The following CFAP46 variants were observed in gnomAD, a reference collection of about 807,000 sequenced individuals.
CFAP46 encodes cilia- and flagella-associated protein 46.
A neutral mutation model predicts 325.7 loss-of-function variants in CFAP46; 245 were observed. The ratio of observed to expected loss-of-function variants is 0.75; its 90% confidence interval spans 0.68 to 0.84. The LOEUF (loss-of-function observed/expected upper bound fraction) is 0.84, where lower values mean the gene tolerates loss of function less well. Among genes scored for constraint, CFAP46 ranks in the 40% least tolerant of loss-of-function variants. CFAP46 has a pLI of 0.00. For missense variants in CFAP46, 3,346 were observed against 3,543.0 expected, an observed-to-expected ratio of 0.94 and a Z score of 1.41; for synonymous variants, 1,523 against 1,495.9, an observed-to-expected ratio of 1.02 and a Z score of -0.42.
intron 25 of CFAP46, among the ~76,000 whole-genome samples, chr10:132,891,763 C>T (rs1256769648): frequency 6.6e-6 from 1 of 152,222 alleles, no homozygotes; most frequent in African/African-American, 2.4e-5. Context: ...CTCATCTAAA[C>T]CCAGACATTC....
At chr10:132,813,098 A>G (rs1203525546) in intron 54 of CFAP46, among the ~76,000 whole-genome samples, 1 of 152,126 alleles carries the variant, frequency 6.6e-6, no homozygotes, top group Non-Finnish European at 1.5e-5. Context: ...AGCCTAGTCA[A>G]GGGGACCCAC....
chr10:132,824,181 G>GTT (rs1251282804), intron 50 of CFAP46, among the ~76,000 whole-genome samples: 37 of 141,764 alleles, frequency 2.6e-4, no homozygotes, highest in African/African-American at 9.8e-4. Context: ...TGTGAGCGCT[G>GTT]ATGTGTGCTG....
chr10:132,821,170 CGCTGA>C (rs1480865794), intron 50 of CFAP46, among the ~76,000 whole-genome samples: 16 of 97,090 alleles, frequency 1.6e-4, no homozygotes, highest in African/African-American at 6.7e-4. Flanking sequence ...GCTGTCTGTG[CGCTGA>C]TGTGTGCTGT....
In CFAP46 at chr10:132,847,244, G is replaced by A; in HGVS notation, c.6030C>T (p.Asp2010=). Residue 2010 remains aspartate (D), a synonymous_variant, in exon 42 of 58, where the codon GAC becomes GAT. Transcript: ENST00000368586. The surrounding 1 kb of genome is among the most constrained non-coding windows in gnomAD (Gnocchi z 5.2). ...CCGGGGCTGCCCTGGAGGCCGGCGGGTCCCTGCTGGACTTTGTGGCACCCT... is the reference window on the plus strand; with the variant it reads ...CCGGGGCTGCCCTGGAGGCCGGCGGATCCCTGCTGGACTTTGTGGCACCCT... ...EEEGATKSSR[D]PPASRAAPEE... 1 of 1,613,342 alleles carries A rather than the reference G, an allele frequency of 6.2e-7. No homozygotes were observed.
intron 55 of CFAP46, among the ~76,000 whole-genome samples, chr10:132,812,304 G>C (rs1042686542): frequency 2.0e-5 from 3 of 152,232 alleles, no homozygotes; most frequent in Non-Finnish European, 4.4e-5. Context: ...TGGCTGGGGT[G>C]TCACTGTGCC....
intron 24 of CFAP46, among the ~76,000 whole-genome samples, chr10:132,898,230 C>T (rs866050348): frequency 6.6e-6 from 1 of 152,216 alleles, no homozygotes; most frequent in Non-Finnish European, 1.5e-5. Flanking sequence ...CAGCAGGGAG[C>T]TGCATCCACA....
intron 20 of CFAP46, 141 bp downstream of exon 20, chr10:132,909,778 G>T: frequency 1.3e-6 from 1 of 770,170 alleles, no homozygotes; most frequent in Non-Finnish European, 1.9e-6. Context: ...TGAGCTCAGT[G>T]GGAAAAGGGA....
intron 50 of CFAP46, among the ~76,000 whole-genome samples, chr10:132,815,760 T>C (rs1847682162): frequency 6.6e-6 from 1 of 152,118 alleles, no homozygotes; most frequent in Admixed American, 6.6e-5. Context: ...GACTCCAGCC[T>C]GGGTGACAGA....
chr10:132,867,222 G>A (rs909921747), intron 34 of CFAP46, among the ~76,000 whole-genome samples, 153 bp downstream of exon 34: 10 of 147,366 alleles, frequency 6.8e-5, no homozygotes, highest in Non-Finnish European at 1.2e-4. Flanking sequence ...CACACAGGCC[G>A]GCCCCTCACA....
chr10:132,940,029 A>G (rs543140881), intron 4 of CFAP46, among the ~76,000 whole-genome samples: 51 of 151,982 alleles, frequency 3.4e-4, no homozygotes, highest in Non-Finnish European at 6.2e-4. Flanking sequence ...CCTCCTTCCC[A>G]TGGTACCCAC....
At chr10:132,912,498 CCT>C (rs527534744) in intron 19 of CFAP46, among the ~76,000 whole-genome samples, 155 bp downstream of exon 19, 2 of 93,848 alleles carry the variant, frequency 2.1e-5, no homozygotes, top group Non-Finnish European at 4.6e-5. Context: ...TCCTCTTTCA[CCT>C]CTCTCTCCTC....
rs1244342612 is a variant in CFAP46 at position 132,877,925 on chromosome 10, CCTT to C, written c.4165_4167del (p.Lys1389del). 1 of 1,550,236 alleles carries C rather than the reference CCTT, an allele frequency of 6.5e-7. No individual in the cohort carries two copies. The highest frequency in any genetic ancestry group is 8.7e-7 in the Non-Finnish European group (1 of 1,146,710). On this transcript the variant is annotated inframe_deletion, in exon 30 of 58. Coordinates refer to ENST00000368586, the MANE Select transcript of CFAP46 (RefSeq NM_001200049.3). This position sits in a 1 kb window ranked among gnomAD's most constrained non-coding sequence, Gnocchi z 5.7. ...TTCTCCTCCTTTCCCTTCTCCTTGT[CCTT>C]CTCTTTACTCCTCTCATTCTCCTTC...
rs554554716 is a variant in CFAP46, at chr10:132,914,985, G to A, written c.2120+1564C>T. On this transcript the variant is annotated intron_variant, in intron 17 of 57. Transcript: ENST00000368586. ...TCCCCAGGGAGCCGTCACACCGAGC[G>A]CAGGGCAGTCAGCCCTCACTCAGCC... 2.4e-4 allele frequency among the ~76,000 whole-genome samples: 37 copies of A among 152,356 alleles called. No homozygotes were observed. In the South Asian group the frequency reaches 5.4e-3, roughly 22 times the overall value.
intron 32 of CFAP46, 57 bp downstream of exon 32, chr10:132,872,619 T>C (rs1357808504): frequency 2.6e-6 from 4 of 1,536,856 alleles, no homozygotes; most frequent in East Asian, 4.9e-5. Flanking sequence ...CTTAACATGT[T>C]GTTTATTTTT....
chr10:132,918,988 T>C (rs1849679136), intron 15 of CFAP46, among the ~76,000 whole-genome samples: 1 of 152,178 alleles, frequency 6.6e-6, no homozygotes, highest in Non-Finnish European at 1.5e-5. Context: ...ACGCTGGGCC[T>C]GTGGCCACTG....
intron 4 of CFAP46, among the ~76,000 whole-genome samples, chr10:132,940,327 A>C (rs1017282036): frequency 5.3e-5 from 8 of 152,112 alleles, no homozygotes; most frequent in Non-Finnish European, 1.0e-4. Context: ...GAAACTGTCA[A>C]GCTTGCACAA....
chr10:132,921,977 G>T, intron 13 of CFAP46, 127 bp downstream of exon 13: 1 of 1,218,462 alleles, frequency 8.2e-7, no homozygotes, highest in Non-Finnish European at 1.1e-6. Context: ...GACACTGCCG[G>T]TGCAAGGTCC....
chr10:132,880,884 G>A lies in CFAP46; in HGVS notation c.3776C>T (p.Pro1259Leu), dbSNP rs1039035932. ...LLAMKPPGDV[P>L]EPQPTPDGEY... ...ACCATCCGGCGTGGGCTGTGGCTCA[G>A]GGACATCGCCGGGCGGCTTCATGGC... Residue 1259 changes from proline to leucine, a missense_variant, in exon 28 of 58, where the codon CCT becomes CTT. Transcript: ENST00000368586. 3 of 1,549,360 alleles carry A rather than the reference G, an allele frequency of 1.9e-6. No homozygotes were observed. Among genetic ancestry groups the A allele is most frequent in the South Asian group, 1.2e-5 (1 of 84,046 alleles).
intron 38 of CFAP46, 35 bp downstream of exon 38, chr10:132,859,036 T>G: frequency 6.5e-7 from 1 of 1,535,880 alleles, no homozygotes. Context: ...AGAGAAGCAG[T>G]GACTCCCGTG....
Sources: allele counts gnomAD v4.1 joint callset (sites outside exome capture counted in the v4.1 genomes callset), GRCh38; gene constraint gnomAD v4.1.1; non-coding constraint Gnocchi (gnomAD v3.1); transcripts MANE v1.5; gene names NCBI Gene and HGNC (gene_info 2026-07-23, HGNC 2026-07-21).